RBFOX1: variants seen among roughly 807,000 people sequenced by gnomAD.
The protein encoded by RBFOX1 is RNA binding protein fox-1 homolog 1.
In RBFOX1, 8 loss-of-function variants were observed where a neutral mutation model predicts 57.7. The ratio of observed to expected loss-of-function variants is 0.14; its 90% CI spans 0.08 to 0.25. The LOEUF (loss-of-function observed/expected upper bound fraction) is 0.25. RBFOX1 is among the 10% of genes least tolerant of loss of function. RBFOX1 has a pLI of 1.00. For synonymous variants in RBFOX1, 326 were observed against 222.4 expected, an observed-to-expected ratio of 1.47 and a Z score of -4.15; for missense variants, 611 against 548.5, an observed-to-expected ratio of 1.11 and a Z score of -1.14.
At chr16:5,837,377 A>G (rs1308557676) in intron 3 of RBFOX1, among the ~76,000 whole-genome samples, 1 of 151,852 alleles carries the variant, frequency 6.6e-6, no homozygotes, top group Non-Finnish European at 1.5e-5. Context: ...ATCCTAAGAG[A>G]TCTTATTGGA....
intron 2 of RBFOX1, among the ~76,000 whole-genome samples, chr16:6,456,437 T>G (rs1229425705): frequency 6.6e-6 from 1 of 152,058 alleles, no homozygotes; most frequent in African/African-American, 2.4e-5. Context: ...GCCTCTAGAG[T>G]GGCTGCGATT....
intron 2 of RBFOX1, among the ~76,000 whole-genome samples, chr16:5,570,229 A>G (rs1402237082): frequency 1.3e-5 from 2 of 152,172 alleles, no homozygotes; most frequent in African/African-American, 2.4e-5. Context: ...GGGTTTGCAC[A>G]TAGCACACAT....
chr16:6,662,885 A>G (rs889416594), intron 3 of RBFOX1, among the ~76,000 whole-genome samples: 2 of 152,238 alleles, frequency 1.3e-5, no homozygotes, highest in Non-Finnish European at 2.9e-5. Context: ...ATACTCCCAT[A>G]GACTCGTAAA....
At chr16:6,711,256 C>A (rs111588598) in intron 3 of RBFOX1, among the ~76,000 whole-genome samples, 2 of 152,182 alleles carry the variant, frequency 1.3e-5, no homozygotes, top group Non-Finnish European at 2.9e-5. Context: ...TCTGCTTTCA[C>A]TGTTTTGTCT....
intron 4 of RBFOX1, among the ~76,000 whole-genome samples, chr16:7,069,334 C>T (rs138706567): frequency 1.3e-5 from 2 of 152,044 alleles, no homozygotes; most frequent in Non-Finnish European, 2.9e-5. Context: ...AGCTGTTTTC[C>T]CTAATGCTCT....
intron 1 of RBFOX1, among the ~76,000 whole-genome samples, chr16:5,348,318 A>G (rs2065189362): frequency 6.6e-6 from 1 of 152,194 alleles, no homozygotes. Context: ...AGTGATTACT[A>G]GGCATTGGAA....
intron 4 of RBFOX1, among the ~76,000 whole-genome samples, chr16:5,918,951 C>A (rs2058762631): frequency 6.6e-6 from 1 of 152,148 alleles, no homozygotes; most frequent in Non-Finnish European, 1.5e-5. Flanking sequence ...GGAAGGTGTT[C>A]CACATGGGGT....
At chr16:5,478,644 C>A (rs2069415123) in intron 2 of RBFOX1, among the ~76,000 whole-genome samples, 1 of 152,204 alleles carries the variant, frequency 6.6e-6, no homozygotes, top group African/African-American at 2.4e-5. Context: ...TGGGTAGCAT[C>A]TGCTTATCTT....
At chr16:7,490,075 C>G (rs932990283) in intron 4 of RBFOX1, among the ~76,000 whole-genome samples, 1 of 152,052 alleles carries the variant, frequency 6.6e-6, no homozygotes, top group Non-Finnish European at 1.5e-5. Context: ...AATCTGTGTC[C>G]CAGCTACATT....
chr16:6,005,298 C>A (rs527357064), intron 4 of RBFOX1, among the ~76,000 whole-genome samples: 1 of 152,332 alleles, frequency 6.6e-6, no homozygotes, highest in African/African-American at 2.4e-5. Context: ...AACTCCATTT[C>A]TTGGATAATG....
At chr16:6,084,044 C>G (rs551342532) in intron 1 of RBFOX1, among the ~76,000 whole-genome samples, 2 of 152,160 alleles carry the variant, frequency 1.3e-5, no homozygotes, top group Non-Finnish European at 2.9e-5. Context: ...AGAGTCTCAA[C>G]TTTGCTACTC....
rs554807838 is a variant in RBFOX1 at position 5,310,214 on chromosome 16, C to T, written c.219+70109C>T. On this transcript the variant is annotated intron_variant, in intron 1 of 2. Transcript: ENST00000585867. ...AGGAGTTTGAGACCAGCTGCCTGGC[C>T]AACATGGGGAAACCCTGTCTCTACA... Among the ~76,000 whole-genome samples, 141 of 152,176 alleles carry T rather than the reference C, an allele frequency of 9.3e-4. 1 individual carries two copies. The highest frequency in any genetic ancestry group is 4.8e-3 in the South Asian group (23 of 4,818).
rs3041577 is a variant in RBFOX1 at position 5,909,090 on chromosome 16, C to CTTTTTTTTTTTTTTTTTTTTTTTTT, written c.351+41775_351+41776insTTTTTTTTTTTTTTTTTTTTTTTTT. Among the ~76,000 whole-genome samples the CTTTTTTTTTTTTTTTTTTTTTTTTT allele has an allele frequency of 1.7e-5, 2 of 116,390 alleles. 1 individual carries two copies. Among genetic ancestry groups the CTTTTTTTTTTTTTTTTTTTTTTTTT allele is most frequent in the African/African-American group, 6.9e-5 (2 of 28,998 alleles). The allele number at this position is 116,390 out of a possible 152,430, so 76.4% of individuals were successfully genotyped here. A position where few individuals can be genotyped will look rare whatever the true frequency, so the allele number is the denominator to read the frequency against. ...ATCGGCTCCAACAGACTAAGCCCCC[C>CTTTTTTTTTTTTTTTTTTTTTTTTT]TTTTTTTTTTTTTTTTTTTTGAGAC... On this transcript the variant is annotated intron_variant, in intron 4 of 19. Transcript: ENST00000641259.
At chr16:6,814,249 GT>G (rs369895154) in intron 3 of RBFOX1, among the ~76,000 whole-genome samples, 10 of 146,460 alleles carry the variant, frequency 6.8e-5, no homozygotes, top group African/African-American at 2.2e-4. Flanking sequence ...GAAAATTGTG[GT>G]GGGGGGGAGG....
chr16:7,098,920 C>G (rs1304712728), intron 4 of RBFOX1, among the ~76,000 whole-genome samples: 3 of 152,094 alleles, frequency 2.0e-5, no homozygotes, highest in South Asian at 2.1e-4. Flanking sequence ...GGGACTGTTA[C>G]TAGTGCCTGA....
intron 2 of RBFOX1, among the ~76,000 whole-genome samples, chr16:6,540,320 A>AC (rs1194962555): frequency 3.3e-5 from 5 of 151,484 alleles, no homozygotes; most frequent in Non-Finnish European, 7.4e-5. Context: ...TAAAAAAAAA[A>AC]AACTCAACTC....
chr16:7,033,796 C>T (rs1367453354), intron 3 of RBFOX1, among the ~76,000 whole-genome samples: 1 of 152,074 alleles, frequency 6.6e-6, no homozygotes. Context: ...AGCAAAACCT[C>T]ATCTCTACTA....
intron 4 of RBFOX1, among the ~76,000 whole-genome samples, chr16:7,298,572 A>G (rs1446186802): frequency 6.6e-6 from 1 of 152,166 alleles, no homozygotes; most frequent in South Asian, 2.1e-4. Context: ...GATTACAGGC[A>G]TGAGCCAACA....
Position 5,994,500 on chromosome 16 carries a change from A to C in RBFOX1, c.351+127165A>C, listed in dbSNP as rs111269816. On this transcript the variant is annotated intron_variant, in intron 4 of 19. Coordinates refer to the RBFOX1 transcript ENST00000641259. ...CAAACTGAAAGTTTCAGATTTTTCC[A>C]AGTGGTCCTGGTACCACAATTTTAG... is the stretch of plus-strand genomic sequence containing the variant. Among the ~76,000 whole-genome samples, 166 of 152,280 alleles carry C rather than the reference A, an allele frequency of 1.1e-3. 1 individual carries two copies. The highest frequency in any genetic ancestry group is 4.0e-3 in the African/African-American group (165 of 41,566).
Sources: gnomAD v4.1 joint callset for allele counts (sites outside exome capture counted in the v4.1 genomes callset) on GRCh38, gnomAD v4.1.1 for gene constraint, MANE v1.5 for transcripts, NCBI Gene and HGNC (gene_info 2026-07-23, HGNC 2026-07-21) for gene names.